The following XRCC4 variants were observed in gnomAD, a reference collection of about 807,000 sequenced individuals.
XRCC4 encodes DNA repair protein XRCC4.
In XRCC4, 28 loss-of-function variants were observed where a neutral mutation model predicts 39.1. The ratio of observed to expected loss-of-function variants is 0.72; its 90% CI spans 0.53 to 0.98. The LOEUF is 0.98. XRCC4 is among the 50% of genes least tolerant of loss of function. The pLI is 0.00. For synonymous variants in XRCC4, 123 were observed against 126.4 expected (o/e 0.97, Z 0.18); for missense variants, 350 against 376.4 (o/e 0.93, Z 0.58).
intron 3 of XRCC4, among the ~76,000 whole-genome samples, chr5:83,165,199 A>C (rs1749403887): frequency 6.6e-6 from 1 of 152,096 alleles, no homozygotes; most frequent in Admixed American, 6.5e-5. Flanking sequence ...TTTAAAAAAA[A>C]ATCTAAACAC....
chr5:83,327,267 C>T (rs771345064), intron 7 of XRCC4, among the ~76,000 whole-genome samples: 1 of 151,998 alleles, frequency 6.6e-6, no homozygotes, highest in Non-Finnish European at 1.5e-5. Context: ...TTGCCTTTTC[C>T]AGAATGCTGT....
At chr5:83,128,848 T>A (rs1490693808) in intron 3 of XRCC4, among the ~76,000 whole-genome samples, 2 of 152,180 alleles carry the variant, frequency 1.3e-5, no homozygotes, top group East Asian at 3.9e-4. Flanking sequence ...TAAATCTGTT[T>A]AAATTCTGTG....
intron 6 of XRCC4, among the ~76,000 whole-genome samples, chr5:83,256,620 T>C (rs1028887398): frequency 1.3e-5 from 2 of 151,264 alleles, no homozygotes; most frequent in African/African-American, 4.9e-5. Context: ...TTGGGAAATC[T>C]TTCAGCTTGA....
intron 1 of XRCC4, among the ~76,000 whole-genome samples, chr5:83,094,426 T>C (rs1188718811): frequency 6.8e-6 from 1 of 147,036 alleles, no homozygotes; most frequent in East Asian, 2.0e-4. Context: ...CCCTCTTCTT[T>C]CCTTTCCTCT....
chr5:83,187,882 G>A (rs576120431), intron 3 of XRCC4, among the ~76,000 whole-genome samples: 6 of 152,250 alleles, frequency 3.9e-5, no homozygotes, highest in African/African-American at 1.4e-4. Flanking sequence ...AAATAGTCAT[G>A]TGTGACTAGT....
intron 3 of XRCC4, among the ~76,000 whole-genome samples, chr5:83,159,978 A>C (rs1749130108): frequency 6.6e-6 from 1 of 152,132 alleles, no homozygotes; most frequent in South Asian, 2.1e-4. Flanking sequence ...ATGTTAGTGA[A>C]TGTTGTCAAT....
At chr5:83,176,429 T>G (rs1580331607) in intron 3 of XRCC4, among the ~76,000 whole-genome samples, 1 of 152,076 alleles carries the variant, frequency 6.6e-6, no homozygotes, top group Non-Finnish European at 1.5e-5. Flanking sequence ...AAAAATAAAA[T>G]TTTAAAGATT....
At chr5:83,252,563 G>A (rs1404161347) in intron 6 of XRCC4, among the ~76,000 whole-genome samples, 1 of 151,648 alleles carries the variant, frequency 6.6e-6, no homozygotes, top group Non-Finnish European at 1.5e-5. Context: ...CCTTAATGAT[G>A]ATATTGGATA....
At chr5:83,365,661 C>T in the XRCC4 span, among the ~76,000 whole-genome samples, 1 of 152,024 alleles carries the variant, frequency 6.6e-6, no homozygotes, top group Non-Finnish European at 1.5e-5. Flanking sequence ...AGAAATGTGC[C>T]CAGCAAGAAC....
chr5:83,121,585 T>A (rs1207329266), intron 3 of XRCC4, among the ~76,000 whole-genome samples: 3 of 152,180 alleles, frequency 2.0e-5, no homozygotes, highest in Non-Finnish European at 4.4e-5. Flanking sequence ...ATCTTTCACA[T>A]TTGTTTTATT....
intron 3 of XRCC4, among the ~76,000 whole-genome samples, chr5:83,129,388 A>T (rs1747444191): frequency 6.6e-6 from 1 of 151,814 alleles, no homozygotes; most frequent in South Asian, 2.1e-4. Context: ...GCCTTGTAGT[A>T]TAGTTTGAAG....
chr5:83,356,664 G>A (rs10070866), downstream of XRCC4: 21,752 of 448,078 alleles, frequency 0.049, 1,355 homozygotes, highest in East Asian at 0.19. Flanking sequence ...CAGATCTGGT[G>A]TAAACATGTC....
the XRCC4 span, among the ~76,000 whole-genome samples, chr5:83,359,356 T>C: frequency 6.6e-6 from 1 of 152,102 alleles, no homozygotes; most frequent in African/African-American, 2.4e-5. Context: ...TTCCCACCCC[T>C]AGCCAGAGTT....
intron 7 of XRCC4, among the ~76,000 whole-genome samples, chr5:83,323,000 A>AT (rs1756128431): frequency 1.3e-5 from 2 of 152,166 alleles, no homozygotes; most frequent in Admixed American, 1.3e-4. Flanking sequence ...AACACAAAAA[A>AT]TAATTGTTAT....
the XRCC4 span, among the ~76,000 whole-genome samples, chr5:83,367,904 A>C: frequency 1.3e-3 from 192 of 151,968 alleles, no homozygotes; most frequent in African/African-American, 4.5e-3. Context: ...CTTTTAGTCA[A>C]TATTTTAGTG....
intron 3 of XRCC4, among the ~76,000 whole-genome samples, chr5:83,179,681 A>C (rs1199744754): frequency 6.6e-6 from 1 of 152,174 alleles, no homozygotes; most frequent in Non-Finnish European, 1.5e-5. Context: ...ATTCACAGAG[A>C]ACTGGATAGG....
At chr5:83,236,490 T>G (rs1195656352) in intron 6 of XRCC4, among the ~76,000 whole-genome samples, 1 of 151,820 alleles carries the variant, frequency 6.6e-6, no homozygotes, top group African/African-American at 2.4e-5. Context: ...TCTTTGGTGC[T>G]GGGAAAATTG....
intron 7 of XRCC4, among the ~76,000 whole-genome samples, chr5:83,259,813 G>A (rs1753687657): frequency 7.0e-6 from 1 of 143,162 alleles, no homozygotes; most frequent in Non-Finnish European, 1.5e-5. Flanking sequence ...CAAAACTCTT[G>A]AGACCCTCAA....
intron 3 of XRCC4, among the ~76,000 whole-genome samples, chr5:83,184,504 G>C (rs780302982): frequency 4.0e-5 from 6 of 151,864 alleles, no homozygotes; most frequent in Non-Finnish European, 8.8e-5. Flanking sequence ...AAAAATTACT[G>C]TTTTAATTTA....
Sources: gnomAD v4.1 joint callset for allele counts (sites outside exome capture counted in the v4.1 genomes callset) on GRCh38, gnomAD v4.1.1 for gene constraint, MANE v1.5 for transcripts, NCBI Gene and HGNC (gene_info 2026-07-23, HGNC 2026-07-21) for gene names.